RANBP2: variants seen among roughly 807,000 people sequenced by gnomAD.
The protein encoded by RANBP2 is E3 SUMO-protein ligase RanBP2.
Under a neutral mutation model 303.6 loss-of-function variants are expected in RANBP2, and 57 were observed. The ratio of observed to expected loss-of-function variants is 0.19; its 90% CI spans 0.15 to 0.23. RANBP2 has a LOEUF of 0.23. Among genes scored for constraint, RANBP2 ranks in the 10% least tolerant of loss-of-function variants. The pLI is 1.00. For synonymous variants in RANBP2, 1,167 were observed against 1,301.5 expected (o/e 0.90, Z 2.23); for missense variants, 3,138 against 3,780.8 (o/e 0.83, Z 4.46).
chr2:109,359,984 A>T, the RANBP2 span, among the ~76,000 whole-genome samples: 1 of 152,076 alleles, frequency 6.6e-6, no homozygotes. Context: ...TATTTTTAAA[A>T]GCCATCCAGC....
the RANBP2 span, among the ~76,000 whole-genome samples, chr2:109,045,237 C>T: frequency 3.3e-5 from 5 of 151,940 alleles, no homozygotes; most frequent in Non-Finnish European, 7.4e-5. Context: ...AGTGGGAGGT[C>T]GGAGGAGGTA....
the RANBP2 span, among the ~76,000 whole-genome samples, chr2:108,864,667 G>A: frequency 6.6e-6 from 1 of 152,020 alleles, no homozygotes; most frequent in Non-Finnish European, 1.5e-5. Context: ...GGTGGCCCAC[G>A]CCTGTAGTCC....
At chr2:108,948,136 G>C in the RANBP2 span, among the ~76,000 whole-genome samples, 1 of 152,190 alleles carries the variant, frequency 6.6e-6, no homozygotes, top group Non-Finnish European at 1.5e-5. Flanking sequence ...CGGATCTCTA[G>C]AGCAGGGGCA....
At chr2:109,338,922 A>ATAGT in the RANBP2 span, among the ~76,000 whole-genome samples, 5 of 107,026 alleles carry the variant, frequency 4.7e-5, no homozygotes, top group Non-Finnish European at 9.0e-5. Context: ...GATAACACAA[A>ATAGT]CAGTTGATCA....
At position 108,767,316 on chromosome 2, in the gene RANBP2, T is replaced by A. The variant is rs2918641; in HGVS notation, c.6777T>A (p.Arg2259=). 2.5e-6 allele frequency: 4 copies of A among 1,612,072 alleles called. No individual in the cohort carries two copies. Among genetic ancestry groups the A allele is most frequent in the Non-Finnish European group, 3.4e-6 (4 of 1,179,868 alleles). Residue 2259 remains arginine, a synonymous_variant, in exon 20 of 29, where the codon CGT becomes CGA. Coordinates refer to ENST00000283195, the MANE Select transcript of RANBP2 (RefSeq NM_006267.5). ...GCCCTGTGAGAAAAAATCTTTTCCGTTTTGGTGAGTCAACAACAGGATTTA... is the reference window on the plus strand; with the variant it reads ...GCCCTGTGAGAAAAAATCTTTTCCGATTTGGTGAGTCAACAACAGGATTTA... ...ASSPVRKNLF[R]FGESTTGFNF... is the part of the protein sequence containing the mutation.
At chr2:108,950,079 C>T in the RANBP2 span, among the ~76,000 whole-genome samples, 1 of 152,070 alleles carries the variant, frequency 6.6e-6, no homozygotes, top group Non-Finnish European at 1.5e-5. Flanking sequence ...ACTTATGACC[C>T]CAGGAGGGGC....
At chr2:109,649,479 C>A in the RANBP2 span, among the ~76,000 whole-genome samples, 1 of 151,924 alleles carries the variant, frequency 6.6e-6, no homozygotes, top group Admixed American at 6.6e-5. Context: ...GTCACTGCAA[C>A]CTCTGCCTCC....
chr2:108,728,356 C>T (rs1386389939), intron 1 of RANBP2, among the ~76,000 whole-genome samples: 2 of 152,156 alleles, frequency 1.3e-5, no homozygotes, highest in African/African-American at 4.8e-5. Context: ...TGCAGTGTCA[C>T]AGTCATAACT....
chr2:108,871,370 TAAAAAAAAA>T, the RANBP2 span, among the ~76,000 whole-genome samples: 7 of 76,648 alleles, frequency 9.1e-5, no homozygotes, highest in South Asian at 1.8e-3. Context: ...CCAACTCTAT[TAAAAAAAAA>T]AAAAAAAAAA....
the RANBP2 span, among the ~76,000 whole-genome samples, chr2:109,540,911 T>C: frequency 6.6e-6 from 1 of 152,334 alleles, no homozygotes; most frequent in Admixed American, 6.5e-5. Flanking sequence ...TAGACTGTTC[T>C]CTTGTAAACT....
chr2:109,366,384 T>A, the RANBP2 span, among the ~76,000 whole-genome samples: 1 of 152,242 alleles, frequency 6.6e-6, no homozygotes, highest in Non-Finnish European at 1.5e-5. Flanking sequence ...CACTAAATGA[T>A]CTTTAGACTA....
chr2:109,593,284 C>CCAG, the RANBP2 span, among the ~76,000 whole-genome samples: 11 of 152,104 alleles, frequency 7.2e-5, no homozygotes, highest in Non-Finnish European at 1.6e-4. Flanking sequence ...TTGTGGCTTT[C>CCAG]TTGCTGGATA....
At chr2:109,487,981 C>T in the RANBP2 span, among the ~76,000 whole-genome samples, 2 of 152,234 alleles carry the variant, frequency 1.3e-5, no homozygotes, top group Non-Finnish European at 2.9e-5. Context: ...CACCAGGCCC[C>T]TTCATGGTGA....
chr2:108,825,723 C>T, the RANBP2 span, among the ~76,000 whole-genome samples: 1 of 152,224 alleles, frequency 6.6e-6, no homozygotes, highest in Middle Eastern at 3.4e-3. Context: ...GGGTTGTTTG[C>T]ATTTGTTGGC....
chr2:109,610,165 T>C, the RANBP2 span, among the ~76,000 whole-genome samples: 446 of 151,948 alleles, frequency 2.9e-3, 1 homozygote, highest in South Asian at 0.022. Context: ...CTCAGCTTAC[T>C]GCAACCTCCA....
At chr2:109,158,154 G>T in the RANBP2 span, among the ~76,000 whole-genome samples, 1 of 152,138 alleles carries the variant, frequency 6.6e-6, no homozygotes. Context: ...TGTGACCCAG[G>T]CATGTCAGAC....
At chr2:109,544,044 A>G in the RANBP2 span, 1 of 1,039,014 alleles carries the variant, frequency 9.6e-7, no homozygotes, top group Non-Finnish European at 1.4e-6. Flanking sequence ...TGTGGGGTCA[A>G]GTCAGTGCTC....
At chr2:109,425,384 A>G in the RANBP2 span, among the ~76,000 whole-genome samples, 2 of 152,274 alleles carry the variant, frequency 1.3e-5, no homozygotes, top group African/African-American at 2.4e-5. Flanking sequence ...ACAGATTTTC[A>G]GTGTAGACAA....
At chr2:109,674,490 G>A in the RANBP2 span, among the ~76,000 whole-genome samples, 65 of 151,818 alleles carry the variant, frequency 4.3e-4, no homozygotes, top group African/African-American at 1.4e-3. Flanking sequence ...AGGCTGAGGC[G>A]GGATTGCTTG....
Sources: gnomAD v4.1 joint callset for allele counts (sites outside exome capture counted in the v4.1 genomes callset) on GRCh38, gnomAD v4.1.1 for gene constraint, MANE v1.5 for transcripts, NCBI Gene and HGNC (gene_info 2026-07-23, HGNC 2026-07-21) for gene names.